Variants in SNRNP200 observed in about 807,000 individuals in gnomAD.
SNRNP200 encodes the protein U5 small nuclear ribonucleoprotein 200 kDa helicase.
Under a neutral mutation model 255.2 loss-of-function variants are expected in SNRNP200, and 66 were observed. That is an observed-to-expected ratio of 0.26 (90% CI 0.21 to 0.32). SNRNP200 has a LOEUF of 0.32. Among genes scored for constraint, SNRNP200 ranks in the 10% least tolerant of loss-of-function variants. The pLI is 1.00. For synonymous variants in SNRNP200, 939 were observed against 1,027.8 expected (o/e 0.91, Z 1.65); for missense variants, 1,585 against 2,749.8 (o/e 0.58, Z 9.47).
At chr2:96,292,238 T>A (rs1283354684) in intron 16 of SNRNP200, among the ~76,000 whole-genome samples, 1 of 152,182 alleles carries the variant, frequency 6.6e-6, no homozygotes, top group Non-Finnish European at 1.5e-5. Context: ...TGCATGAAAA[T>A]GTGTCTGCAA....
At chr2:96,281,508 C>T (rs777990456) in intron 35 of SNRNP200, 93 of 380,046 alleles carry the variant, frequency 2.4e-4, no homozygotes, top group Non-Finnish European at 4.1e-4. Context: ...AGGTGTATGA[C>T]CTCGACCAAG....
intron 30 of SNRNP200, chr2:96,284,876 A>G: frequency 1.9e-6 from 1 of 527,612 alleles, no homozygotes; most frequent in South Asian, 2.0e-5. Context: ...CAGCCTTCCA[A>G]GTAGCTGGGA....
rs201259831 is a variant in SNRNP200, at chr2:96,284,490, G to T, written c.4260C>A (p.Gly1420=). 20 of 1,614,118 alleles carry T rather than the reference G, an allele frequency of 1.2e-5. No homozygotes were observed. Among genetic ancestry groups the T allele is most frequent in the Non-Finnish European group, 1.5e-5 (18 of 1,180,016 alleles). Residue 1420 remains glycine, a synonymous_variant, in exon 31 of 45, where the codon GGC becomes GGA. Coordinates refer to ENST00000323853, the MANE Select transcript of SNRNP200 (RefSeq NM_014014.5). ...GGGTGCTGATGATAATGTTCCCTTT[G>T]CCCAGCAGCTTCAGGTCTGTGCTGG... ...GETSTDLKLL[G]KGNIIISTPE...
chr2:96,291,796 G>C lies in SNRNP200; in HGVS notation c.2265C>G (p.Gly755=). 1.2e-6 allele frequency: 2 copies of C among 1,614,146 alleles called. No homozygotes were observed. The highest frequency in any genetic ancestry group is 1.7e-6 in the Non-Finnish European group (2 of 1,180,032). ...KDTLGLFLRE[G]SASTEVLRTE... ...TTCGCAGGACTTCTGTGGAGGCTGA[G>C]CCCTCCCTCAGAAACAGACCCAGAG... The change falls in exon 17 of 45, where the codon GGC becomes GGG. Residue 755 remains glycine, a synonymous_variant. Transcript: ENST00000323853. This position sits in a 1 kb window ranked among gnomAD's most constrained non-coding sequence, Gnocchi z 4.2.
At chr2:96,285,049 TG>T (rs2104342060) in intron 30 of SNRNP200, 130 bp downstream of exon 30, 2 of 1,119,622 alleles carry the variant, frequency 1.8e-6, no homozygotes, top group African/African-American at 1.5e-5. Flanking sequence ...CACGCTTGGC[TG>T]GGGCAGCTTT....
Position 96,289,862 on chromosome 2 carries a change from T to C in SNRNP200, c.2877A>G (p.Thr959=). Residue 959 remains threonine, a synonymous_variant, in exon 21 of 45, where the codon ACA becomes ACG. Coordinates refer to ENST00000323853, the MANE Select transcript of SNRNP200 (RefSeq NM_014014.5). ...TGTTCTTGTCCAGCATCAGGGCAGC[T>C]GTATGAACCAGATCTAGTCGGCGCT... ...LDQRRLDLVH[T]AALMLDKNNL... is the part of the protein sequence containing the mutation. 2 of 1,614,212 alleles carry C rather than the reference T, an allele frequency of 1.2e-6. No homozygotes were observed. The highest frequency in any genetic ancestry group is 1.1e-5 in the South Asian group (1 of 91,080).
At chr2:96,302,943 T>C (rs1271731581) in intron 3 of SNRNP200, among the ~76,000 whole-genome samples, 1 of 152,108 alleles carries the variant, frequency 6.6e-6, no homozygotes, top group Non-Finnish European at 1.5e-5. Flanking sequence ...TCTCTAAACC[T>C]AGTCCTTTTG....
chr2:96,290,455 T>G lies in SNRNP200; in HGVS notation c.2613A>C (p.Thr871=). The change falls in exon 20 of 45, where the codon ACA becomes ACC. Residue 871 remains threonine, a synonymous_variant. Transcript: ENST00000323853. The surrounding 1 kb of genome is among the most constrained non-coding windows in gnomAD (Gnocchi z 4.5). The part of the protein sequence containing the change: ...YDTKGEGILI[T]SHGELQYYLS... ...GGTAGTACTGTAGCTCCCCATGAGATGTGATGAGTATGCCTTCACCCTTGG... is the reference window on the plus strand; with the variant it reads ...GGTAGTACTGTAGCTCCCCATGAGAGGTGATGAGTATGCCTTCACCCTTGG... The G allele has an allele frequency of 6.2e-7, 1 of 1,614,190 alleles. No individual in the cohort carries two copies. The highest frequency in any genetic ancestry group is 8.5e-7 in the Non-Finnish European group (1 of 1,180,020).
chr2:96,280,619 G>A (rs568489813), intron 35 of SNRNP200, among the ~76,000 whole-genome samples: 3 of 151,666 alleles, frequency 2.0e-5, no homozygotes, highest in Non-Finnish European at 2.9e-5. Context: ...GTGCTATCTC[G>A]GCTCACTGCA....
At chr2:96,305,165 G>C (rs1246344351) in intron 1 of SNRNP200, among the ~76,000 whole-genome samples, 1 of 152,034 alleles carries the variant, frequency 6.6e-6, no homozygotes, top group African/African-American at 2.4e-5. Context: ...GAAGGGGGAG[G>C]GCTTAGCGTT....
chr2:96,283,309 T>C lies in SNRNP200; in HGVS notation c.4807A>G (p.Lys1603Glu). The change falls in exon 34 of 45, where the codon AAG (lysine) becomes GAG (glutamate). Residue 1603 changes from lysine (K) to glutamate (E), a missense_variant. Lys to Glu is a moderately conservative substitution (Grantham distance 56). Coordinates refer to ENST00000323853, the MANE Select transcript of SNRNP200 (RefSeq NM_014014.5). The surrounding 1 kb of genome is among the most constrained non-coding windows in gnomAD (Gnocchi z 4.7). ...TEKDLIPYLE[K>E]LSDSTLKETL... ...TCCTTGAGCGTGCTGTCACTTAGCT[T>C]CTCCAGGTACGGAATCAGATCCTTC... 1 of 1,613,722 alleles carries C rather than the reference T, an allele frequency of 6.2e-7. No homozygotes were observed. The highest frequency in any genetic ancestry group is 8.5e-7 in the Non-Finnish European group (1 of 1,179,944).
chr2:96,290,953 A>G lies in SNRNP200; in HGVS notation c.2422-138T>C. The stretch of plus-strand genomic sequence containing the variant: ...GCGCGTGGGGTCCCAGTACTTGTCA[A>G]TGTGACACCAGAATAAAGAGGAAAG... On this transcript the variant is annotated intron_variant, in intron 18 of 44. Coordinates refer to ENST00000323853, the MANE Select transcript of SNRNP200 (RefSeq NM_014014.5). The surrounding 1 kb of genome is among the most constrained non-coding windows in gnomAD (Gnocchi z 4.5). 1.1e-6 allele frequency: 1 copy of G among 892,112 alleles called. No individual in the cohort carries two copies. Among genetic ancestry groups the G allele is most frequent in the Admixed American group, 2.0e-5 (1 of 49,708 alleles). The allele number at this position is 892,112 out of a possible 1,614,324, so 55.3% of individuals were successfully genotyped here. A position where few individuals can be genotyped will look rare whatever the true frequency, so the allele number is the denominator to read the frequency against.
At chr2:96,304,967 T>G in intron 1 of SNRNP200, 99 bp from the exon 2 acceptor site, 1 of 1,309,390 alleles carries the variant, frequency 7.6e-7, no homozygotes, top group East Asian at 2.5e-5. Context: ...AGTAACTAGT[T>G]GCTTATCATC....
chr2:96,295,182 T>G (rs2063909310), intron 14 of SNRNP200, among the ~76,000 whole-genome samples: 3 of 152,184 alleles, frequency 2.0e-5, no homozygotes, highest in African/African-American at 7.2e-5. Flanking sequence ...GTACTCAGCC[T>G]GGGCGACAGA....
At chr2:96,304,669 A>G (rs780943026) in intron 2 of SNRNP200, 36 bp downstream of exon 2, 18 of 1,613,616 alleles carry the variant, frequency 1.1e-5, no homozygotes, top group East Asian at 1.1e-4. Flanking sequence ...GAGACTTTGG[A>G]TCTGAAGGAA....
At chr2:96,303,880 T>C (rs1236868944) in intron 2 of SNRNP200, among the ~76,000 whole-genome samples, 1 of 148,284 alleles carries the variant, frequency 6.7e-6, no homozygotes, top group East Asian at 2.0e-4. Flanking sequence ...CAGAGTGAGA[T>C]TCCGTCTCAA....
Position 96,286,514 on chromosome 2 carries a change from G to A in SNRNP200, c.3830-30C>T, listed in dbSNP as rs1317572849. On this transcript the variant is annotated intron_variant, in intron 28 of 44. Coordinates refer to ENST00000323853, the MANE Select transcript of SNRNP200 (RefSeq NM_014014.5). The surrounding 1 kb of genome is among the most constrained non-coding windows in gnomAD (Gnocchi z 4.8). ...CAGAAAAGAAACAGGAAGGATATAA[G>A]CACTGCTCTCTTTCCCTCACTGGCC... 2.5e-6 allele frequency: 4 copies of A among 1,612,702 alleles called. No homozygotes were observed. Among genetic ancestry groups the A allele is most frequent in the African/African-American group, 2.7e-5 (2 of 74,878 alleles).
Position 96,305,448 on chromosome 2 carries a change from G to T in SNRNP200, c.-11C>A, listed in dbSNP as rs763666831. Reference sequence around the variant, plus strand: ...GGTTACATCCGCCATGGCCGCGGCTGCTCGGAGGCTTCAGACCACCACGCC... The same window carrying T: ...GGTTACATCCGCCATGGCCGCGGCTTCTCGGAGGCTTCAGACCACCACGCC... On this transcript the variant is annotated 5_prime_UTR_variant, in exon 1 of 45. Coordinates refer to ENST00000323853, the MANE Select transcript of SNRNP200 (RefSeq NM_014014.5). The T allele has an allele frequency of 1.2e-6, 2 of 1,614,036 alleles. No homozygotes were observed. The highest frequency in any genetic ancestry group is 1.7e-6 in the Non-Finnish European group (2 of 1,180,044).
At position 96,283,227 on chromosome 2, in the gene SNRNP200, C is replaced by T. The variant is rs756388323; in HGVS notation, c.4889G>A (p.Arg1630His). The stretch of plus-strand genomic sequence containing the variant: ...TGAGCTGAAGAGCTGCTCCACCAGG[C>T]GTCGCTCCATGGGGCTGAGCCCCTC... ...LHEGLSPMER[R>H]LVEQLFSSGA... Residue 1630 changes from arginine (R) to histidine (H), a missense_variant, in exon 34 of 45, where the codon CGC (arginine) becomes CAC (histidine). By Grantham distance (29) the Arg-to-His change is conservative. Around this residue, in one of 9 missense-constraint regions of SNRNP200, gnomAD observed 719 missense variants for 1,091.1 expected, o/e 0.66. Transcript: ENST00000323853. The surrounding 1 kb of genome is among the most constrained non-coding windows in gnomAD (Gnocchi z 4.7). 5.0e-6 allele frequency: 8 copies of T among 1,614,188 alleles called. No homozygotes were observed. Among genetic ancestry groups the T allele is most frequent in the South Asian group, 3.3e-5 (3 of 91,088 alleles).
Sources: gnomAD v4.1 joint callset for allele counts (sites outside exome capture counted in the v4.1 genomes callset) on GRCh38, gnomAD v4.1.1 for gene constraint, gnomAD v4.1.1 regional missense constraint, Gnocchi (gnomAD v3.1) non-coding constraint, MANE v1.5 for transcripts, NCBI Gene and HGNC (gene_info 2026-07-23, HGNC 2026-07-21) for gene names.